DOCK2: variants seen among roughly 807,000 people sequenced by gnomAD.
DOCK2 encodes the protein dedicator of cytokinesis 2.
DOCK2 carries 87 observed loss-of-function variants against 248.9 expected under a neutral mutation model. The ratio of observed to expected loss-of-function variants is 0.35; its 90% CI spans 0.29 to 0.42. DOCK2 has a LOEUF of 0.42. Ranked by LOEUF, DOCK2 falls within the 10% of genes least tolerant of loss-of-function variation. The pLI, the probability that DOCK2 is intolerant of heterozygous loss-of-function variation, is 1.00. For missense variants in DOCK2, 1,747 were observed against 2,300.2 expected, an observed-to-expected ratio of 0.76 and a Z score of 4.92; for synonymous variants, 805 against 821.6, an observed-to-expected ratio of 0.98 and a Z score of 0.35.
At chr5:169,656,113 C>T (rs564858503) in intron 2 of DOCK2, among the ~76,000 whole-genome samples, 2 of 152,298 alleles carry the variant, frequency 1.3e-5, no homozygotes, top group South Asian at 2.1e-4. Context: ...CTATCTTTTA[C>T]AAATCTAGTT....
intron 39 of DOCK2, among the ~76,000 whole-genome samples, chr5:170,047,059 G>A (rs1756739433): frequency 6.6e-6 from 1 of 152,174 alleles, no homozygotes; most frequent in Non-Finnish European, 1.5e-5. Flanking sequence ...TAGATGAAAT[G>A]TCTTAGGTAT....
intron 27 of DOCK2, among the ~76,000 whole-genome samples, chr5:169,959,609 G>A (rs986078941): frequency 6.6e-6 from 1 of 152,128 alleles, no homozygotes; most frequent in Non-Finnish European, 1.5e-5. Context: ...CTTTTATTGG[G>A]AATGCTTCAC....
intron 30 of DOCK2, chr5:170,000,617 A>C (rs1415212652): frequency 1.3e-5 from 2 of 151,814 alleles, no homozygotes; most frequent in Non-Finnish European, 2.9e-5. Flanking sequence ...GGAAGATGAG[A>C]CTCTCCATGT....
chr5:169,778,720 G>A (rs1328581025), intron 25 of DOCK2, among the ~76,000 whole-genome samples: 1 of 152,212 alleles, frequency 6.6e-6, no homozygotes, highest in Non-Finnish European at 1.5e-5. Flanking sequence ...AGGAATGTTA[G>A]CAACCAGCTG....
intron 32 of DOCK2, among the ~76,000 whole-genome samples, chr5:170,016,541 ATC>A (rs1296411042): frequency 3.3e-5 from 5 of 152,198 alleles, no homozygotes; most frequent in Non-Finnish European, 7.3e-5. Context: ...GGAGATCACC[ATC>A]TCTCTCTCCG....
At position 169,743,163 on chromosome 5, in the gene DOCK2, A is replaced by AG. The variant is rs529114844; in HGVS notation, c.2268-4226dup. Among the ~76,000 whole-genome samples, 113 of 152,310 alleles carry AG rather than the reference A, an allele frequency of 7.4e-4. 2 individuals are homozygous for AG. The South Asian group carries it at 0.013, about 18-fold the overall frequency. ...TTTTATTTTCTTTTCAAGCTTTTCA[A>AG]GGGGGGGTCCCACAATGCTTAATGC... On this transcript the variant is annotated intron_variant, in intron 22 of 51. Transcript: ENST00000520908.
At chr5:169,928,886 G>A (rs1775608054) in intron 27 of DOCK2, among the ~76,000 whole-genome samples, 1 of 152,186 alleles carries the variant, frequency 6.6e-6, no homozygotes, top group Admixed American at 6.5e-5. Context: ...TATGCCCTGG[G>A]TGTTTCTGTT....
chr5:169,694,211 C>T (rs1416096696), intron 9 of DOCK2, among the ~76,000 whole-genome samples: 4 of 152,328 alleles, frequency 2.6e-5, no homozygotes, highest in African/African-American at 7.2e-5. Context: ...TGATGTGAGC[C>T]GACAGCTTAT....
chr5:169,874,554 T>C (rs576679911), intron 27 of DOCK2, among the ~76,000 whole-genome samples: 3 of 151,908 alleles, frequency 2.0e-5, no homozygotes, highest in Admixed American at 6.6e-5. Flanking sequence ...ACCATACCCC[T>C]ATCCTGAAGT....
At chr5:169,924,010 C>A (rs1561827591) in intron 27 of DOCK2, among the ~76,000 whole-genome samples, 2 of 152,194 alleles carry the variant, frequency 1.3e-5, no homozygotes, top group Non-Finnish European at 2.9e-5. Context: ...CAGGTGGAGG[C>A]TTTGTGTTTG....
intron 8 of DOCK2, among the ~76,000 whole-genome samples, chr5:169,688,498 C>G (rs1760110886): frequency 2.0e-5 from 3 of 152,130 alleles, no homozygotes; most frequent in Admixed American, 2.0e-4. Context: ...TTCAGATTTT[C>G]TCTTGGATTT....
chr5:170,030,359 G>A (rs1756087718), intron 34 of DOCK2, among the ~76,000 whole-genome samples: 1 of 152,130 alleles, frequency 6.6e-6, no homozygotes, highest in African/African-American at 2.4e-5. Context: ...GAACATCCAT[G>A]GGGCCCCTGT....
At chr5:170,075,789 C>A in intron 46 of DOCK2, 158 bp from the exon 47 acceptor site, 1 of 936,658 alleles carries the variant, frequency 1.1e-6, no homozygotes, top group Non-Finnish European at 1.6e-6. Flanking sequence ...TTCCCCATTT[C>A]CCATGGCTGG....
At chr5:170,074,905 C>T (rs1346960265) in intron 46 of DOCK2, among the ~76,000 whole-genome samples, 3 of 152,162 alleles carry the variant, frequency 2.0e-5, no homozygotes, top group African/African-American at 4.8e-5. Flanking sequence ...CTCTGAGGCC[C>T]TCCTGGCTTC....
intron 2 of DOCK2, among the ~76,000 whole-genome samples, chr5:169,660,551 G>A (rs1758388541): frequency 6.6e-6 from 1 of 152,086 alleles, no homozygotes; most frequent in South Asian, 2.1e-4. Flanking sequence ...CACATTGTTG[G>A]TTTGGCTGCA....
chr5:169,891,550 G>A (rs1773283264), intron 27 of DOCK2, among the ~76,000 whole-genome samples: 1 of 152,068 alleles, frequency 6.6e-6, no homozygotes, highest in African/African-American at 2.4e-5. Flanking sequence ...ACAGAATAAA[G>A]TGGAGTTGTT....
intron 27 of DOCK2, among the ~76,000 whole-genome samples, chr5:169,915,612 A>T (rs1416207281): frequency 6.7e-6 from 1 of 149,302 alleles, no homozygotes; most frequent in Non-Finnish European, 1.5e-5. Context: ...AGAGGGAGGG[A>T]GGGGAGAGAG....
At chr5:169,681,113 CTTTTTTTTTTT>C (rs764614478) in intron 6 of DOCK2, among the ~76,000 whole-genome samples, 8 of 94,232 alleles carry the variant, frequency 8.5e-5, no homozygotes, top group Middle Eastern at 6.6e-3. Context: ...TTTAGTAGAC[CTTTTTTTTTTT>C]TTTTTTTTTT....
intron 22 of DOCK2, among the ~76,000 whole-genome samples, chr5:169,733,573 A>G (rs1420251470): frequency 6.6e-6 from 1 of 152,120 alleles, no homozygotes; most frequent in Non-Finnish European, 1.5e-5. Flanking sequence ...CTTATCTTAG[A>G]CATTTCATAT....
Sources: allele counts gnomAD v4.1 joint callset (sites outside exome capture counted in the v4.1 genomes callset), GRCh38; gene constraint gnomAD v4.1.1; transcripts MANE v1.5; gene names NCBI Gene and HGNC (gene_info 2026-07-23, HGNC 2026-07-21).